Variants in DLC1 observed in about 807,000 individuals in gnomAD.
The protein encoded by DLC1 is DLC1 Rho GTPase activating protein, also known as rho GTPase-activating protein 7.
Under a neutral mutation model 140.3 loss-of-function variants are expected in DLC1, and 54 were observed. The observed-to-expected ratio is 0.38, with a 90% CI of 0.31 to 0.48. The LOEUF (loss-of-function observed/expected upper bound fraction) is 0.48. DLC1 is among the 20% of genes least tolerant of loss of function. DLC1 has a pLI of 0.96. For missense variants in DLC1, 2,536 were observed against 1,907.0 expected, an observed-to-expected ratio of 1.33 and a Z score of -6.14; for synonymous variants, 986 against 728.1, an observed-to-expected ratio of 1.35 and a Z score of -5.70.
At chr8:13,325,972 G>T (rs1256592729) in intron 4 of DLC1, among the ~76,000 whole-genome samples, 2 of 152,038 alleles carry the variant, frequency 1.3e-5, no homozygotes, top group Non-Finnish European at 1.5e-5. Flanking sequence ...CTTGATATTG[G>T]CATTGCATAG....
intron 5 of DLC1, among the ~76,000 whole-genome samples, chr8:13,289,039 C>T (rs1026258794): frequency 1.3e-5 from 2 of 152,140 alleles, no homozygotes; most frequent in African/African-American, 4.8e-5. Context: ...ACACCATTCT[C>T]CACTTTCATT....
intron 4 of DLC1, among the ~76,000 whole-genome samples, chr8:13,345,177 A>G (rs1834270966): frequency 6.6e-6 from 1 of 152,152 alleles, no homozygotes; most frequent in African/African-American, 2.4e-5. Context: ...AAATTCATAT[A>G]GAATTGAATT....
chr8:13,398,596 C>T (rs1354735508), intron 3 of DLC1, among the ~76,000 whole-genome samples: 1 of 124,698 alleles, frequency 8.0e-6, no homozygotes, highest in African/African-American at 3.3e-5. Flanking sequence ...AGAGAAACCC[C>T]ATCTCTACCA....
At chr8:13,449,055 A>C (rs1798925787) in intron 2 of DLC1, among the ~76,000 whole-genome samples, 1 of 152,158 alleles carries the variant, frequency 6.6e-6, no homozygotes, top group Non-Finnish European at 1.5e-5. Flanking sequence ...AAACAATTTA[A>C]TGAGCATATT....
intron 5 of DLC1, among the ~76,000 whole-genome samples, chr8:13,221,688 G>GTGTGTGTATA (rs1828555779): frequency 1.4e-5 from 2 of 140,438 alleles, no homozygotes; most frequent in African/African-American, 5.4e-5. Flanking sequence ...TTTTGTGTGT[G>GTGTGTGTATA]TGTGTGTGTA....
At chr8:13,304,399 G>A (rs988076777) in intron 5 of DLC1, among the ~76,000 whole-genome samples, 2 of 152,134 alleles carry the variant, frequency 1.3e-5, no homozygotes, top group African/African-American at 4.8e-5. Context: ...TTAGCTCACA[G>A]AAGGACACAA....
intron 1 of DLC1, among the ~76,000 whole-genome samples, chr8:13,594,718 A>G (rs1216725659): frequency 6.6e-6 from 1 of 152,048 alleles, no homozygotes; most frequent in Non-Finnish European, 1.5e-5. Context: ...GAAAGAAAAG[A>G]ATGGCTACTT....
chr8:13,599,008 T>C (rs1805775313), intron 1 of DLC1, among the ~76,000 whole-genome samples: 1 of 151,836 alleles, frequency 6.6e-6, no homozygotes, highest in Non-Finnish European at 1.5e-5. Context: ...TTTCTGTAAC[T>C]TAAACATTTA....
At chr8:13,109,610 T>A (rs1197987320) in intron 7 of DLC1, among the ~76,000 whole-genome samples, 1 of 148,374 alleles carries the variant, frequency 6.7e-6, no homozygotes, top group East Asian at 2.0e-4. Flanking sequence ...ACAGGCTGGG[T>A]GCGGTGGCTC....
intron 5 of DLC1, among the ~76,000 whole-genome samples, chr8:13,138,931 C>G (rs1021948300): frequency 2.0e-5 from 3 of 152,110 alleles, no homozygotes; most frequent in African/African-American, 7.2e-5. Context: ...TTGATTACAA[C>G]TTTTGAATAA....
chr8:13,418,595 C>T (rs189401401), intron 2 of DLC1, among the ~76,000 whole-genome samples: 16 of 152,142 alleles, frequency 1.1e-4, no homozygotes, highest in African/African-American at 3.4e-4. Flanking sequence ...GGTACCAGTA[C>T]CATGCTGTTT....
intron 5 of DLC1, among the ~76,000 whole-genome samples, chr8:13,185,035 C>G (rs928323632): frequency 2.6e-5 from 4 of 151,660 alleles, no homozygotes; most frequent in African/African-American, 9.7e-5. Flanking sequence ...TTGAATTGAT[C>G]CCTTTACCAT....
In DLC1 at chr8:13,289,538, C is replaced by T. The variant is rs190948720; in HGVS notation, c.1348+15731G>A. On this transcript the variant is annotated intron_variant, in intron 5 of 17. Coordinates refer to ENST00000276297, the MANE Select transcript of DLC1 (RefSeq NM_182643.3). ...TAGAGGCAAGCTCTCACTATGTTGC[C>T]CAGGCTGGCTTTGAACTCCTGGCCT... is the stretch of plus-strand genomic sequence containing the variant. Among the ~76,000 whole-genome samples the T allele has an allele frequency of 7.2e-5, 11 of 152,250 alleles. No homozygotes were observed. In the East Asian group the frequency reaches 1.7e-3, roughly 24 times the overall value.
At chr8:13,501,264 A>G (rs762455061) in intron 1 of DLC1, among the ~76,000 whole-genome samples, 1 of 152,208 alleles carries the variant, frequency 6.6e-6, no homozygotes, top group Non-Finnish European at 1.5e-5. Context: ...CAAGCTTAGA[A>G]TACAAACACA....
chr8:13,243,686 A>C (rs1228740549), intron 5 of DLC1, among the ~76,000 whole-genome samples: 1 of 152,088 alleles, frequency 6.6e-6, no homozygotes, highest in Non-Finnish European at 1.5e-5. Flanking sequence ...TTTGAGTTCC[A>C]CTTTCTCTCA....
chr8:13,418,977 T>C (rs1417123791), intron 2 of DLC1, among the ~76,000 whole-genome samples: 2 of 151,288 alleles, frequency 1.3e-5, no homozygotes, highest in African/African-American at 2.4e-5. Context: ...TTTGAAGCAA[T>C]TGTGAATGGG....
chr8:13,336,626 G>A (rs1413092920), intron 4 of DLC1, among the ~76,000 whole-genome samples: 1 of 152,088 alleles, frequency 6.6e-6, no homozygotes, highest in Non-Finnish European at 1.5e-5. Flanking sequence ...TCAGAAGATG[G>A]GGTTTGAATA....
chr8:13,513,577 A>G (rs945879121), intron 1 of DLC1, among the ~76,000 whole-genome samples: 2 of 152,168 alleles, frequency 1.3e-5, no homozygotes, highest in Non-Finnish European at 2.9e-5. Flanking sequence ...GAAAATGTAC[A>G]TGAATATTTC....
intron 5 of DLC1, among the ~76,000 whole-genome samples, chr8:13,158,487 G>T (rs1458009588): frequency 6.6e-6 from 1 of 152,166 alleles, no homozygotes; most frequent in Non-Finnish European, 1.5e-5. Context: ...TGTTAGACAA[G>T]GCTGGCGAGA....
Sources: allele counts gnomAD v4.1 joint callset (sites outside exome capture counted in the v4.1 genomes callset), GRCh38; gene constraint gnomAD v4.1.1; transcripts MANE v1.5; gene names NCBI Gene and HGNC (gene_info 2026-07-23, HGNC 2026-07-21).